The following ELF1 variants were observed in gnomAD, a reference collection of about 807,000 sequenced individuals.
ELF1 encodes the protein ETS-related transcription factor Elf-1.
Under a neutral mutation model 59.9 loss-of-function variants are expected in ELF1, and 24 were observed. The observed-to-expected ratio is 0.40, with a 90% CI of 0.29 to 0.56. The LOEUF (loss-of-function observed/expected upper bound fraction) is 0.56, where lower values mean the gene tolerates loss of function less well. Ranked by LOEUF, ELF1 falls within the 20% of genes least tolerant of loss-of-function variation. The pLI is 0.44. For synonymous variants in ELF1, 248 were observed against 266.2 expected, an observed-to-expected ratio of 0.93 and a Z score of 0.67; for missense variants, 627 against 742.2, an observed-to-expected ratio of 0.84 and a Z score of 1.80.
chr13:40,999,912 A>C (rs1185343914), intron 1 of ELF1, among the ~76,000 whole-genome samples: 3 of 152,228 alleles, frequency 2.0e-5, no homozygotes, highest in Admixed American at 6.5e-5. Context: ...ATGACTAATT[A>C]CCACATAATC....
chr13:41,015,922 G>T (rs887117399), intron 1 of ELF1, among the ~76,000 whole-genome samples: 7 of 147,380 alleles, frequency 4.7e-5, no homozygotes, highest in Non-Finnish European at 8.9e-5. Flanking sequence ...GAAAAAGACA[G>T]AAAAACAGAA....
intron 3 of ELF1, 137 bp from the exon 4 acceptor site, chr13:40,951,573 C>A (rs1870853888): frequency 1.9e-6 from 1 of 532,590 alleles, no homozygotes; most frequent in Non-Finnish European, 3.0e-6. Flanking sequence ...TATAAACACA[C>A]AAAATCATAC....
At chr13:41,002,622 A>C (rs576281186) in intron 1 of ELF1, among the ~76,000 whole-genome samples, 2 of 151,938 alleles carry the variant, frequency 1.3e-5, no homozygotes, top group South Asian at 4.2e-4. Flanking sequence ...ATCTCAAAAA[A>C]ATAAATAAAT....
chr13:41,051,394 T>C (rs1460596903), intron 1 of ELF1, among the ~76,000 whole-genome samples: 2 of 140,640 alleles, frequency 1.4e-5, no homozygotes, highest in Non-Finnish European at 3.0e-5. Flanking sequence ...TCTTTGCCTG[T>C]GGCTGTACCC....
chr13:41,043,616 ATG>A (rs1350189042), intron 1 of ELF1, among the ~76,000 whole-genome samples: 4 of 152,012 alleles, frequency 2.6e-5, no homozygotes, highest in African/African-American at 7.3e-5. Flanking sequence ...ATGGTTGTAG[ATG>A]TGTGGTGTTA....
intron 1 of ELF1, among the ~76,000 whole-genome samples, chr13:40,997,369 T>G (rs952261818): frequency 3.3e-5 from 5 of 152,144 alleles, no homozygotes; most frequent in African/African-American, 1.2e-4. Flanking sequence ...GCGATTCTTC[T>G]GCCTCTGCCT....
In ELF1 at chr13:41,058,594, C is replaced by A. The variant is rs138129324; in HGVS notation, c.-229+2244G>T. ...TGTGTTCACCCCCAGGTATATAGTA[C>A]AACTATTTGCAATTACTGAGTGCAC... On this transcript the variant is annotated intron_variant, in intron 1 of 1. Coordinates refer to the ELF1 transcript ENST00000405737. Among the ~76,000 whole-genome samples the A allele has an allele frequency of 2.7e-3, 415 of 152,326 alleles. 2 individuals carry two copies. The highest frequency in any genetic ancestry group is 9.5e-3 in the African/African-American group (396 of 41,568).
In ELF1 at chr13:41,057,896, C is replaced by T. The variant is rs146975956; in HGVS notation, c.-229+2942G>A. The stretch of plus-strand genomic sequence containing the variant: ...TGACAGTAGTGAGCAGCTCTGTCTT[C>T]GAATACCAAGGTCACTTTCAACAAA... On this transcript the variant is annotated intron_variant, in intron 1 of 1. Transcript: ENST00000405737. 4.7e-4 allele frequency among the ~76,000 whole-genome samples: 72 copies of T among 152,264 alleles called. 1 individual carries two copies. In the East Asian group the frequency reaches 0.013, roughly 28 times the overall value.
intron 1 of ELF1, among the ~76,000 whole-genome samples, chr13:41,033,759 AATTGT>A (rs1876264633): frequency 6.6e-6 from 1 of 152,196 alleles, no homozygotes; most frequent in South Asian, 2.1e-4. Context: ...TCTGTGGAAA[AATTGT>A]GTTCCATGAA....
At chr13:40,967,005 C>T (rs1044255585) in intron 2 of ELF1, among the ~76,000 whole-genome samples, 5 of 152,190 alleles carry the variant, frequency 3.3e-5, no homozygotes, top group African/African-American at 1.2e-4. Context: ...AACAGCTCCC[C>T]TGACTCCAAA....
chr13:40,966,954 C>T (rs1872212781), intron 2 of ELF1, among the ~76,000 whole-genome samples: 1 of 152,200 alleles, frequency 6.6e-6, no homozygotes, highest in African/African-American at 2.4e-5. Context: ...GGCAAGAAAA[C>T]ACCAAGAGGG....
At chr13:41,020,775 T>G (rs997169782), upstream of ELF1, among the ~76,000 whole-genome samples, 55 of 152,168 alleles carry the variant, frequency 3.6e-4, no homozygotes, top group African/African-American at 1.3e-3. Flanking sequence ...TCACGGGAGA[T>G]TCACTTGTTC....
chr13:40,955,703 C>A (rs1271057258), intron 3 of ELF1, among the ~76,000 whole-genome samples: 1 of 131,140 alleles, frequency 7.6e-6, no homozygotes, highest in Non-Finnish European at 1.7e-5. Flanking sequence ...CCTGGCCAGC[C>A]GCCCCATCCG....
chr13:40,990,062 T>G (rs1369986276), intron 1 of ELF1, among the ~76,000 whole-genome samples: 2 of 152,150 alleles, frequency 1.3e-5, no homozygotes, highest in Non-Finnish European at 2.9e-5. Flanking sequence ...TAGTAAAAAT[T>G]TATACACATT....
intron 1 of ELF1, among the ~76,000 whole-genome samples, chr13:40,998,343 G>A (rs1372310621): frequency 3.3e-5 from 5 of 152,108 alleles, no homozygotes; most frequent in Non-Finnish European, 4.4e-5. Context: ...ACAAATACTT[G>A]CCATTGTGTT....
intron 1 of ELF1, among the ~76,000 whole-genome samples, chr13:41,040,620 T>C (rs1401904084): frequency 6.6e-6 from 1 of 152,108 alleles, no homozygotes; most frequent in Non-Finnish European, 1.5e-5. Flanking sequence ...ATCCCTCACA[T>C]GTACAGTTCA....
intron 5 of ELF1, among the ~76,000 whole-genome samples, chr13:40,947,145 A>G (rs1338766744): frequency 2.6e-5 from 4 of 151,986 alleles, no homozygotes; most frequent in African/African-American, 9.7e-5. Flanking sequence ...AAAAAGATAC[A>G]CAAATGTTCT....
intron 1 of ELF1, among the ~76,000 whole-genome samples, chr13:41,057,458 A>T (rs2138442645): frequency 6.6e-6 from 1 of 151,564 alleles, no homozygotes; most frequent in East Asian, 1.9e-4. Flanking sequence ...CAGTGGCACG[A>T]TCCTGAGATC....
chr13:40,956,034 G>A (rs1871392876), intron 3 of ELF1, among the ~76,000 whole-genome samples: 1 of 148,074 alleles, frequency 6.8e-6, no homozygotes, highest in South Asian at 2.2e-4. Flanking sequence ...GGGAAGTGAG[G>A]AGCCCCTCTG....
Sources: gnomAD v4.1 joint callset for allele counts (sites outside exome capture counted in the v4.1 genomes callset) on GRCh38, gnomAD v4.1.1 for gene constraint, MANE v1.5 for transcripts, NCBI Gene and HGNC (gene_info 2026-07-23, HGNC 2026-07-21) for gene names.